The following ADGRL3 variants were observed in gnomAD, a reference collection of about 807,000 sequenced individuals.
ADGRL3 encodes adhesion G protein-coupled receptor L3.
Under a neutral mutation model 153.5 loss-of-function variants are expected in ADGRL3, and 62 were observed. That is an observed-to-expected ratio of 0.40 (90% CI 0.33 to 0.50). ADGRL3 has a LOEUF of 0.50. Among genes scored for constraint, ADGRL3 ranks in the 20% least tolerant of loss-of-function variants. The pLI, the probability that ADGRL3 is intolerant of heterozygous loss-of-function variation, is 0.47. For synonymous variants in ADGRL3, 710 were observed against 672.5 expected, an observed-to-expected ratio of 1.06 and a Z score of -0.86; for missense variants, 1,641 against 1,859.4, an observed-to-expected ratio of 0.88 and a Z score of 2.16.
At chr4:61,980,484 C>T (rs927785945) in intron 18 of ADGRL3, among the ~76,000 whole-genome samples, 5 of 151,624 alleles carry the variant, frequency 3.3e-5, no homozygotes, top group South Asian at 2.1e-4. Flanking sequence ...CTGTCATTCA[C>T]GCAGGAGTGC....
At chr4:61,742,379 C>G (rs2096592177) in intron 8 of ADGRL3, among the ~76,000 whole-genome samples, 1 of 151,998 alleles carries the variant, frequency 6.6e-6, no homozygotes, top group Admixed American at 6.6e-5. Flanking sequence ...CCCGGGTTCA[C>G]ACTATTCTCC....
At chr4:61,454,950 A>G (rs1232422276) in intron 2 of ADGRL3, among the ~76,000 whole-genome samples, 1 of 152,100 alleles carries the variant, frequency 6.6e-6, no homozygotes, top group African/African-American at 2.4e-5. Context: ...CTCAGTGACA[A>G]TGGTGTTAAC....
chr4:61,912,643 T>C, intron 12 of ADGRL3, 76 bp from the exon 13 acceptor site: 5 of 1,332,720 alleles, frequency 3.8e-6, no homozygotes, highest in Non-Finnish European at 5.3e-6. Flanking sequence ...ATGTGTTCTT[T>C]TATTTTTCTT....
At chr4:61,303,672 T>C (rs774598969) in intron 1 of ADGRL3, among the ~76,000 whole-genome samples, 30 of 152,148 alleles carry the variant, frequency 2.0e-4, no homozygotes, top group Non-Finnish European at 3.1e-4. Context: ...TCATTAAGTG[T>C]CTGAAAAGTG....
intron 1 of ADGRL3, among the ~76,000 whole-genome samples, chr4:61,342,004 T>A (rs2095817144): frequency 6.6e-6 from 1 of 152,120 alleles, no homozygotes. Context: ...AGATAAACAC[T>A]TTTTTTGGAT....
chr4:61,934,578 T>C (rs539656449), intron 13 of ADGRL3, among the ~76,000 whole-genome samples: 78 of 152,332 alleles, frequency 5.1e-4, no homozygotes, highest in African/African-American at 1.8e-3. Context: ...GTGCTATTGA[T>C]TCTAAGAAGC....
chr4:61,804,003 C>A (rs1207505689), intron 8 of ADGRL3, among the ~76,000 whole-genome samples: 1 of 152,258 alleles, frequency 6.6e-6, no homozygotes, highest in African/African-American at 2.4e-5. Flanking sequence ...TTTGCACAAA[C>A]AATTCCAATT....
intron 9 of ADGRL3, among the ~76,000 whole-genome samples, chr4:61,864,858 G>A (rs565485264): frequency 1.3e-5 from 2 of 152,308 alleles, no homozygotes; most frequent in South Asian, 4.1e-4. Flanking sequence ...AGGTAAAATT[G>A]TGAAGCTGTG....
At position 62,004,260 on chromosome 4, in the gene ADGRL3, TAATA is replaced by T. The variant is rs139939557; in HGVS notation, c.3395+6000_3395+6003del. Among the ~76,000 whole-genome samples the T allele has an allele frequency of 1.2e-3, 181 of 152,100 alleles. 1 individual carries two copies. The East Asian group carries it at 0.021, about 17-fold the overall frequency. ...TATGAAAAATGCATCTTAATGTTAA[TAATA>T]AATATATATAGCCTACTTGCTAAAA... On this transcript the variant is annotated intron_variant, in intron 21 of 26. Transcript: ENST00000683033.
At chr4:61,974,728 C>G (rs1338210039) in intron 17 of ADGRL3, among the ~76,000 whole-genome samples, 1 of 152,186 alleles carries the variant, frequency 6.6e-6, no homozygotes, top group African/African-American at 2.4e-5. Context: ...GAATTAATTA[C>G]TCAAGATTCC....
rs977669608 is a variant in ADGRL3 at position 61,979,466 on chromosome 4, C to T, written c.2806-97C>T. On this transcript the variant is annotated intron_variant, in intron 17 of 26. Transcript: ENST00000683033. ...TTGTGGGTATAGAGGGTATTTTGTG[C>T]ATTATTACTATCATGCTTTGTGCAT... is the stretch of plus-strand genomic sequence containing the variant. 102 of 956,434 alleles carry T rather than the reference C, an allele frequency of 1.1e-4. 1 individual carries two copies. Among genetic ancestry groups the T allele is most frequent in the Non-Finnish European group, 7.1e-5 (42 of 590,608 alleles). 59.2% of individuals were successfully genotyped at this position (956,434 alleles called of 1,614,324 possible).
rs757545966 is a variant in ADGRL3, at chr4:61,318,193, CAAAAAAAA to C, written c.-239-64917_-239-64910del. Among the ~76,000 whole-genome samples the C allele has an allele frequency of 4.1e-5, 2 of 48,608 alleles. 1 individual carries two copies. The highest frequency in any genetic ancestry group is 1.1e-4 in the African/African-American group (2 of 17,820). The allele number at this position is 48,608 out of a possible 152,430, so 31.9% of individuals were successfully genotyped here. A position where few individuals can be genotyped will look rare whatever the true frequency, so the allele number is the denominator to read the frequency against. On this transcript the variant is annotated intron_variant, in intron 1 of 26. Coordinates refer to ENST00000683033, the MANE Select transcript of ADGRL3 (RefSeq NM_001387552.1). Reference sequence around the variant, plus strand: ...TGGGTGATAGAGTGAGAACCTGTCTCAAAAAAAAAAAAAAAAAAAAACACAAAACACAC... The same window carrying C: ...TGGGTGATAGAGTGAGAACCTGTCTCAAAAAAAAAAAAACACAAAACACAC...
At chr4:61,758,095 C>A (rs1178117834) in intron 8 of ADGRL3, among the ~76,000 whole-genome samples, 3 of 152,150 alleles carry the variant, frequency 2.0e-5, no homozygotes, top group African/African-American at 4.8e-5. Context: ...AATGTATATT[C>A]TATTGATTTG....
intron 1 of ADGRL3, among the ~76,000 whole-genome samples, chr4:61,338,532 A>G (rs1289839293): frequency 6.6e-6 from 1 of 152,100 alleles, no homozygotes; most frequent in Non-Finnish European, 1.5e-5. Flanking sequence ...CCATAGTTTG[A>G]GGATCACTAA....
At chr4:61,958,377 GTTTCTTTCTTTCTTTCT>G (rs1370347929) in intron 17 of ADGRL3, among the ~76,000 whole-genome samples, 7 of 148,054 alleles carry the variant, frequency 4.7e-5, no homozygotes, top group South Asian at 4.3e-4. Context: ...TGTTGTAAAG[GTTTCTTTCTTTCTTTCT>G]TTCTTTCTTT....
At chr4:61,399,036 T>C (rs2096900082) in intron 2 of ADGRL3, among the ~76,000 whole-genome samples, 1 of 151,752 alleles carries the variant, frequency 6.6e-6, no homozygotes, top group Non-Finnish European at 1.5e-5. Context: ...ATATTCTAAT[T>C]AGAAATTAAA....
At chr4:61,563,027 A>G (rs1454312559) in intron 4 of ADGRL3, among the ~76,000 whole-genome samples, 3 of 151,960 alleles carry the variant, frequency 2.0e-5, no homozygotes, top group African/African-American at 7.2e-5. Context: ...ACCCAGAATC[A>G]TCAGAGGATT....
intron 1 of ADGRL3, among the ~76,000 whole-genome samples, chr4:61,335,738 A>G (rs2095661710): frequency 6.6e-6 from 1 of 152,176 alleles, no homozygotes; most frequent in Non-Finnish European, 1.5e-5. Flanking sequence ...TATGAGGTGA[A>G]TTGGAAAGAC....
At chr4:61,470,356 G>A (rs2097933665) in intron 2 of ADGRL3, among the ~76,000 whole-genome samples, 1 of 151,818 alleles carries the variant, frequency 6.6e-6, no homozygotes, top group Non-Finnish European at 1.5e-5. Flanking sequence ...CTAATTGTCT[G>A]CAGGAGGGTC....
Sources: allele counts gnomAD v4.1 joint callset (sites outside exome capture counted in the v4.1 genomes callset), GRCh38; gene constraint gnomAD v4.1.1; transcripts MANE v1.5; gene names NCBI Gene and HGNC (gene_info 2026-07-23, HGNC 2026-07-21).